The following UVSSA variants were observed in gnomAD, a reference collection of about 807,000 sequenced individuals.
UVSSA encodes UV-stimulated scaffold protein A.
Under a neutral mutation model 73.9 loss-of-function variants are expected in UVSSA, and 72 were observed. The observed-to-expected ratio is 0.97, with a 90% CI of 0.81 to 1.19. UVSSA has a LOEUF of 1.19. Among genes scored for constraint, UVSSA ranks in the 50% most tolerant of loss-of-function variants. The probability of loss-of-function intolerance (pLI) is 0.00; values close to 1 mark genes in which losing one functional copy is unlikely to be tolerated. For synonymous variants in UVSSA, 454 were observed against 391.3 expected (o/e 1.16, Z -1.89); for missense variants, 1,150 against 965.0 (o/e 1.19, Z -2.54).
intron 10 of UVSSA, among the ~76,000 whole-genome samples, chr4:1,379,629 G>A (rs926023831): frequency 1.3e-5 from 2 of 152,212 alleles, no homozygotes; most frequent in Admixed American, 6.5e-5. Flanking sequence ...GTGGAAGGAC[G>A]ACCTTCATGT....
At chr4:1,366,269 GTTCA>G (rs1181234188) in intron 7 of UVSSA, 47 bp from the exon 8 acceptor site, 1 of 1,449,752 alleles carries the variant, frequency 6.9e-7, no homozygotes, top group Non-Finnish European at 9.5e-7. Flanking sequence ...CGGGAGCTGT[GTTCA>G]TACACAGGGT....
chr4:1,365,683 C>T (rs1717211730), intron 7 of UVSSA, among the ~76,000 whole-genome samples: 1 of 152,268 alleles, frequency 6.6e-6, no homozygotes, highest in South Asian at 2.1e-4. Flanking sequence ...TTGTCCCTTT[C>T]TGTCACCTGA....
chr4:1,391,838 C>T (rs775708450), downstream of UVSSA: 2 of 152,218 alleles, frequency 1.3e-5, no homozygotes, highest in Non-Finnish European at 2.9e-5. Flanking sequence ...AAGTGTGTTT[C>T]TTGTAGACAG....
chr4:1,388,273 C>G (rs1451051952), downstream of UVSSA: 1 of 152,152 alleles, frequency 6.6e-6, no homozygotes, highest in Non-Finnish European at 1.5e-5. Context: ...CCAAATTTCA[C>G]TTTGGGGCTG....
chr4:1,387,589 ATGTGTAGATCTTTGATCC>A lies in UVSSA; in HGVS notation c.*1629_*1646del, dbSNP rs1194157247. The A allele has an allele frequency of 2.6e-5, 4 of 152,114 alleles. No individual in the cohort carries two copies. Among genetic ancestry groups the A allele is most frequent in the Non-Finnish European group, 5.9e-5 (4 of 68,018 alleles). The allele number at this position is 152,114 out of a possible 1,614,324, so 9.4% of individuals were successfully genotyped here. A position where few individuals can be genotyped will look rare whatever the true frequency, so the allele number is the denominator to read the frequency against. ...TAAGCATTTTATAATTTCAGCTCTT[ATGTGTAGATCTTTGATCC>A]ATTGTGAATTAAGTTTTGTGTGTGG... On this transcript the variant is annotated 3_prime_UTR_variant, in exon 14 of 14. Transcript: ENST00000389851.
chr4:1,366,178 A>C (rs1560458713), intron 7 of UVSSA, 142 bp from the exon 8 acceptor site: 1 of 670,966 alleles, frequency 1.5e-6, no homozygotes, highest in Non-Finnish European at 2.7e-6. Context: ...TCTTAAATGC[A>C]GTCCAACCGT....
At chr4:1,367,066 C>G (rs1025700704) in intron 8 of UVSSA, among the ~76,000 whole-genome samples, 2 of 152,208 alleles carry the variant, frequency 1.3e-5, no homozygotes, top group Non-Finnish European at 2.9e-5. Flanking sequence ...CGCTCCTCAC[C>G]GCTGGTGATG....
In UVSSA at chr4:1,380,943, A is replaced by C. The variant is rs1250542986; in HGVS notation, c.1816A>C (p.Arg606=). 7.4e-6 allele frequency: 12 copies of C among 1,613,010 alleles called. No homozygotes were observed. Among genetic ancestry groups the C allele is most frequent in the Non-Finnish European group, 1.0e-5 (12 of 1,179,954 alleles). ...DEGRPLDPED[R]AREQRRQLQK... Reference sequence around the variant, plus strand: ...AGGACGGCCGCTCGACCCGGAAGACAGGGCTCGTGAGCAGCGGCGGCAGCT... The same window carrying C: ...AGGACGGCCGCTCGACCCGGAAGACCGGGCTCGTGAGCAGCGGCGGCAGCT... Residue 606 remains arginine, a synonymous_variant, in exon 12 of 14, where the codon AGG becomes CGG. Coordinates refer to ENST00000389851, the MANE Select transcript of UVSSA (RefSeq NM_020894.4).
At position 1,349,515 on chromosome 4, in the gene UVSSA, C is replaced by T. The variant is rs1238946293; in HGVS notation, c.99-9C>T. 6.2e-7 allele frequency: 1 copy of T among 1,610,054 alleles called. No homozygotes were observed. Among genetic ancestry groups the T allele is most frequent in the South Asian group, 1.1e-5 (1 of 90,982 alleles). ...GGGGCAGTTGGGTCAGGCCAGCTCGCATCCCCAGGTCTTCAGAGGAGCAGC... is the reference window on the plus strand; with the variant it reads ...GGGGCAGTTGGGTCAGGCCAGCTCGTATCCCCAGGTCTTCAGAGGAGCAGC... On this transcript the variant is annotated splice_polypyrimidine_tract_variant and intron_variant, in intron 2 of 13. Coordinates refer to ENST00000389851, the MANE Select transcript of UVSSA (RefSeq NM_020894.4).
intron 8 of UVSSA, among the ~76,000 whole-genome samples, chr4:1,371,319 C>T (rs994237127): frequency 3.3e-5 from 5 of 150,312 alleles, no homozygotes; most frequent in South Asian, 2.1e-4. Context: ...CATGACTTTC[C>T]GGGTGTCTGA....
At position 1,348,139 on chromosome 4, in the gene UVSSA, A is replaced by C. The variant is rs761048585; in HGVS notation, c.48A>C (p.Gly16=). The C allele has an allele frequency of 6.2e-7, 1 of 1,614,022 alleles. No individual in the cohort carries two copies. Residue 16 remains glycine, a synonymous_variant, in exon 2 of 14, where the codon GGA becomes GGC. Coordinates refer to ENST00000389851, the MANE Select transcript of UVSSA (RefSeq NM_020894.4). ...SKLVEELTTS[G]EPRLNPEKMK... Reference sequence around the variant, plus strand: ...TGGTAGAAGAGCTCACAACTTCAGGAGAACCCCGACTAAATCCTGAGAAAA... The same window carrying C: ...TGGTAGAAGAGCTCACAACTTCAGGCGAACCCCGACTAAATCCTGAGAAAA...
At chr4:1,388,400 TAC>T (rs1036387360), downstream of UVSSA, 4 of 152,252 alleles carry the variant, frequency 2.6e-5, no homozygotes, top group Admixed American at 2.6e-4. Flanking sequence ...AGATTTTCCA[TAC>T]ACAAAATCAT....
At chr4:1,350,649 C>T (rs1714564183) in intron 3 of UVSSA, among the ~76,000 whole-genome samples, 1 of 152,136 alleles carries the variant, frequency 6.6e-6, no homozygotes, top group Admixed American at 6.5e-5. Flanking sequence ...ACTGTGAACA[C>T]CTGGGTGTGA....
rs1345586420 is a variant in UVSSA, at chr4:1,353,263, G to A, written c.784G>A (p.Gly262Ser). The A allele has an allele frequency of 1.2e-6, 2 of 1,611,370 alleles. No individual in the cohort carries two copies. The highest frequency in any genetic ancestry group is 2.7e-5 in the African/African-American group (2 of 74,938). ...CAGTAGAGACCTGCCTGCCTCTGCA[G>A]GCCACCCCAGAGCGGGCGGCGGGGC... ...CCSRDLPASA[G>S]HPRAGGGAQP... Residue 262 changes from glycine (G) to serine (S), a missense_variant, in exon 5 of 14, where the codon GGC becomes AGC. Physicochemically the swap from Gly to Ser is moderately conservative, Grantham distance 56. Transcript: ENST00000389851.
chr4:1,381,102 T>C, intron 12 of UVSSA, 114 bp downstream of exon 12: 1 of 995,576 alleles, frequency 1.0e-6, no homozygotes, highest in Non-Finnish European at 1.5e-6. Context: ...GCTTCGTCCA[T>C]GGAGCTACAA....
chr4:1,352,326 T>C (rs1189640447), intron 4 of UVSSA, among the ~76,000 whole-genome samples: 1 of 152,216 alleles, frequency 6.6e-6, no homozygotes, highest in Non-Finnish European at 1.5e-5. Flanking sequence ...GTCTTCAGAC[T>C]ACATGTACCC....
chr4:1,354,447 T>G (rs1577298467), intron 5 of UVSSA: 1 of 446,590 alleles, frequency 2.2e-6, no homozygotes, highest in Non-Finnish European at 4.2e-6. Flanking sequence ...GAAGAGGCTG[T>G]GGGTGGTCTC....
At chr4:1,359,720 G>A (rs1013683517) in intron 7 of UVSSA, among the ~76,000 whole-genome samples, 35 of 152,220 alleles carry the variant, frequency 2.3e-4, no homozygotes, top group African/African-American at 7.9e-4. Context: ...TCGTCCCCCC[G>A]ACTCTGTGGT....
chr4:1,349,638 G>T lies in UVSSA; in HGVS notation c.213G>T (p.Arg71Ser). 3 of 1,614,104 alleles carry T rather than the reference G, an allele frequency of 1.9e-6. No individual in the cohort carries two copies. The highest frequency in any genetic ancestry group is 2.5e-6 in the Non-Finnish European group (3 of 1,180,010). Reference protein sequence around the residue: ...AFQIVEELFVRSHQFRMLVVS... With the variant: ...AFQIVEELFVSSHQFRMLVVS... ...AGATTGTGGAGGAACTCTTCGTCAG[G>T]TCTCACCAGTTCCGGATGCTGGTTG... The change falls in exon 3 of 14, where the codon AGG becomes AGT. Residue 71 changes from arginine (R) to serine (S), a missense_variant. Arg to Ser is a moderately radical substitution (Grantham distance 110). Coordinates refer to ENST00000389851, the MANE Select transcript of UVSSA (RefSeq NM_020894.4).
Sources: gnomAD v4.1 joint callset for allele counts (sites outside exome capture counted in the v4.1 genomes callset) on GRCh38, gnomAD v4.1.1 for gene constraint, MANE v1.5 for transcripts, NCBI Gene and HGNC (gene_info 2026-07-23, HGNC 2026-07-21) for gene names.